Variants in EDIL3 observed in about 807,000 individuals in gnomAD.
EDIL3 encodes the protein EGF-like repeat and discoidin I-like domain-containing protein 3.
Under a neutral mutation model 67.4 loss-of-function variants are expected in EDIL3, and 37 were observed. The observed-to-expected ratio is 0.55, with a 90% CI of 0.42 to 0.72. The LOEUF is 0.72. EDIL3 is among the 30% of genes least tolerant of loss of function. EDIL3 has a pLI of 0.00. For missense variants in EDIL3, 527 were observed against 586.3 expected, an observed-to-expected ratio of 0.90 and a Z score of 1.04; for synonymous variants, 195 against 196.3, an observed-to-expected ratio of 0.99 and a Z score of 0.05.
intron 9 of EDIL3, among the ~76,000 whole-genome samples, chr5:84,015,198 T>C (rs756052508): frequency 1.8e-4 from 27 of 152,152 alleles, no homozygotes; most frequent in South Asian, 4.1e-4. Context: ...TGTGATGCAA[T>C]GTGGGCTCTG....
intron 1 of EDIL3, among the ~76,000 whole-genome samples, chr5:84,321,978 C>T (rs1408582348): frequency 6.6e-6 from 1 of 151,742 alleles, no homozygotes; most frequent in African/African-American, 2.4e-5. Context: ...GGCACAGATT[C>T]AGAAAAGACC....
At chr5:84,204,028 T>C (rs947811578) in intron 3 of EDIL3, among the ~76,000 whole-genome samples, 6 of 152,188 alleles carry the variant, frequency 3.9e-5, no homozygotes, top group Non-Finnish European at 5.9e-5. Flanking sequence ...TCCGCTTTTG[T>C]TGTTTTGTAC....
chr5:84,185,335 T>C (rs1743384576), intron 3 of EDIL3, among the ~76,000 whole-genome samples: 1 of 152,140 alleles, frequency 6.6e-6, no homozygotes, highest in African/African-American at 2.4e-5. Context: ...TTTCAGGAAA[T>C]GGGTCACAGT....
chr5:84,122,999 T>A (rs1311829143), intron 5 of EDIL3, among the ~76,000 whole-genome samples: 1 of 151,926 alleles, frequency 6.6e-6, no homozygotes, highest in Non-Finnish European at 1.5e-5. Flanking sequence ...ACTAGGAACA[T>A]GGTGAACTGC....
rs187409601 is a variant in EDIL3, at chr5:83,997,451, T to A, written c.1138-34091A>T. Among the ~76,000 whole-genome samples the A allele has an allele frequency of 4.9e-3, 739 of 152,202 alleles. 7 individuals are homozygous for A. Among genetic ancestry groups the A allele is most frequent in the Non-Finnish European group, 7.7e-3 (525 of 68,008 alleles). ...GAGGGTTTGGCAGTGAAAAGAGAAATTCAGGATACCTCCAGATTTCTGGTT... is the reference window on the plus strand; with the variant it reads ...GAGGGTTTGGCAGTGAAAAGAGAAAATCAGGATACCTCCAGATTTCTGGTT... On this transcript the variant is annotated intron_variant, in intron 9 of 10. Coordinates refer to ENST00000296591, the MANE Select transcript of EDIL3 (RefSeq NM_005711.5).
chr5:84,379,095 C>T (rs1453542008), intron 1 of EDIL3, among the ~76,000 whole-genome samples: 1 of 152,014 alleles, frequency 6.6e-6, no homozygotes, highest in Non-Finnish European at 1.5e-5. Context: ...AACTCTGACA[C>T]AGAAAGAATG....
intron 2 of EDIL3, among the ~76,000 whole-genome samples, chr5:84,245,095 G>A (rs945633551): frequency 6.6e-6 from 1 of 152,058 alleles, no homozygotes; most frequent in Non-Finnish European, 1.5e-5. Flanking sequence ...TCTCTCATTG[G>A]TCTTGATTTT....
intron 1 of EDIL3, among the ~76,000 whole-genome samples, chr5:84,262,658 G>GTTTTTTTT (rs1561238679): frequency 5.6e-5 from 2 of 35,474 alleles, no homozygotes; most frequent in African/African-American, 8.5e-5. Flanking sequence ...AAGGTTGGTT[G>GTTTTTTTT]GTTTTTTTTT....
chr5:84,053,498 C>CA (rs1430936046), intron 9 of EDIL3, among the ~76,000 whole-genome samples: 3 of 152,000 alleles, frequency 2.0e-5, no homozygotes, highest in Admixed American at 6.6e-5. Context: ...AAAAACCCTT[C>CA]AAAAAATCAA....
intron 2 of EDIL3, 34 bp downstream of exon 2, chr5:84,254,050 G>T (rs1416246635): frequency 6.5e-7 from 1 of 1,544,274 alleles, no homozygotes; most frequent in East Asian, 2.3e-5. Flanking sequence ...GAAATAAAAA[G>T]ATAACTACTG....
intron 4 of EDIL3, among the ~76,000 whole-genome samples, chr5:84,173,778 A>G (rs1748853937): frequency 6.6e-6 from 1 of 152,184 alleles, no homozygotes; most frequent in African/African-American, 2.4e-5. Flanking sequence ...CAAGATAGCC[A>G]GGCCAAGTGA....
intron 4 of EDIL3, among the ~76,000 whole-genome samples, chr5:84,153,898 T>C (rs1194349064): frequency 1.3e-5 from 2 of 152,202 alleles, no homozygotes; most frequent in African/African-American, 4.8e-5. Context: ...GATACTCATG[T>C]ATTTATTTCT....
Position 84,229,923 on chromosome 5 carries a change from A to G in EDIL3, c.197-39T>C, listed in dbSNP as rs1429318819. 5 of 1,559,064 alleles carry G rather than the reference A, an allele frequency of 3.2e-6. No homozygotes were observed. The South Asian group carries it at 4.7e-5, about 15-fold the overall frequency. ...AAAAGGTGAAATGGGGGTGGGGTAG[A>G]AGTGAAGGGAGGGAGAAGGGGGGAG... On this transcript the variant is annotated intron_variant, in intron 2 of 10. Coordinates refer to ENST00000296591, the MANE Select transcript of EDIL3 (RefSeq NM_005711.5).
At chr5:84,298,443 G>A (rs974541449) in intron 1 of EDIL3, among the ~76,000 whole-genome samples, 4 of 152,206 alleles carry the variant, frequency 2.6e-5, no homozygotes, top group Non-Finnish European at 4.4e-5. Flanking sequence ...ACATGGACAC[G>A]GGGAGGGGAA....
intron 3 of EDIL3, among the ~76,000 whole-genome samples, chr5:84,191,734 A>T (rs967703033): frequency 1.3e-5 from 2 of 152,072 alleles, no homozygotes; most frequent in African/African-American, 4.8e-5. Context: ...TTTTAAAAAA[A>T]AGGAACAGCA....
At chr5:84,367,780 T>C (rs1202404911) in intron 1 of EDIL3, among the ~76,000 whole-genome samples, 1 of 152,154 alleles carries the variant, frequency 6.6e-6, no homozygotes, top group African/African-American at 2.4e-5. Flanking sequence ...CGAGACTCTG[T>C]CTAAAAATTT....
chr5:84,306,781 T>G (rs1746283533), intron 1 of EDIL3, among the ~76,000 whole-genome samples: 1 of 152,218 alleles, frequency 6.6e-6, no homozygotes, highest in South Asian at 2.1e-4. Flanking sequence ...AGCTGTATCT[T>G]ACGGAAAGTC....
intron 2 of EDIL3, among the ~76,000 whole-genome samples, chr5:84,243,502 CAAT>C: frequency 6.6e-6 from 1 of 152,022 alleles, no homozygotes; most frequent in South Asian, 2.1e-4. Context: ...AGATGAGTAA[CAAT>C]AATGAGTTCT....
chr5:84,170,492 T>C (rs1475838410), intron 4 of EDIL3, among the ~76,000 whole-genome samples: 2 of 152,196 alleles, frequency 1.3e-5, no homozygotes, highest in African/African-American at 4.8e-5. Flanking sequence ...ACAGCAGTGG[T>C]ATTCTGAAAA....
Sources: gnomAD v4.1 joint callset for allele counts (sites outside exome capture counted in the v4.1 genomes callset) on GRCh38, gnomAD v4.1.1 for gene constraint, MANE v1.5 for transcripts, NCBI Gene and HGNC (gene_info 2026-07-23, HGNC 2026-07-21) for gene names.